MARCHF1: variants seen among roughly 807,000 people sequenced by gnomAD.
MARCHF1 encodes the protein membrane associated ring-CH-type finger 1, also known as E3 ubiquitin-protein ligase MARCHF1.
Under a neutral mutation model 54.2 loss-of-function variants are expected in MARCHF1, and 40 were observed. The ratio of observed to expected loss-of-function variants is 0.74; its 90% confidence interval spans 0.57 to 0.96. The LOEUF is 0.96. MARCHF1 is among the 40% of genes least tolerant of loss of function. MARCHF1 has a pLI of 0.00. For missense variants in MARCHF1, 586 were observed against 656.5 expected (o/e 0.89, Z 1.17); for synonymous variants, 236 against 236.3 (o/e 1.00, Z 0.01).
intron 7 of MARCHF1, among the ~76,000 whole-genome samples, chr4:163,588,392 G>A (rs1276878459): frequency 2.0e-5 from 3 of 152,180 alleles, no homozygotes; most frequent in Non-Finnish European, 4.4e-5. Flanking sequence ...TAGATGCTCA[G>A]TAGATGTAAA....
intron 2 of MARCHF1, among the ~76,000 whole-genome samples, chr4:164,014,391 C>T (rs2110950789): frequency 6.6e-6 from 1 of 151,826 alleles, no homozygotes; most frequent in East Asian, 1.9e-4. Context: ...AAAACAAAAA[C>T]TTATAATAGA....
chr4:163,671,120 G>A (rs971777390), intron 5 of MARCHF1, among the ~76,000 whole-genome samples: 1 of 152,166 alleles, frequency 6.6e-6, no homozygotes, highest in African/African-American at 2.4e-5. Flanking sequence ...TGGATGCAGA[G>A]GGTATCTTCT....
At chr4:164,242,483 A>C (rs1183300733) in intron 1 of MARCHF1, among the ~76,000 whole-genome samples, 1 of 148,732 alleles carries the variant, frequency 6.7e-6, no homozygotes, top group Non-Finnish European at 1.5e-5. Context: ...TCTGTACATC[A>C]CCATCATCAA....
At chr4:163,774,914 G>A (rs1432766540) in intron 4 of MARCHF1, among the ~76,000 whole-genome samples, 1 of 152,124 alleles carries the variant, frequency 6.6e-6, no homozygotes. Flanking sequence ...ACTTCAGCAG[G>A]ATCCAGTAGG....
chr4:163,946,915 C>T (rs1052510543), intron 3 of MARCHF1, among the ~76,000 whole-genome samples: 13 of 152,234 alleles, frequency 8.5e-5, no homozygotes, highest in African/African-American at 2.9e-4. Context: ...CATTAGAATA[C>T]CCTATCAAAT....
intron 1 of MARCHF1, among the ~76,000 whole-genome samples, chr4:164,180,032 T>C (rs1730792367): frequency 6.6e-6 from 1 of 150,990 alleles, no homozygotes; most frequent in Non-Finnish European, 1.5e-5. Context: ...AGCAGTGACT[T>C]ATCTTTGTAC....
At chr4:164,070,086 T>C (rs1211285118) in intron 2 of MARCHF1, among the ~76,000 whole-genome samples, 1 of 152,100 alleles carries the variant, frequency 6.6e-6, no homozygotes, top group Non-Finnish European at 1.5e-5. Context: ...GACATTAACA[T>C]GGGAACAACA....
chr4:164,154,761 C>T (rs1369607955), intron 1 of MARCHF1, among the ~76,000 whole-genome samples: 2 of 152,232 alleles, frequency 1.3e-5, no homozygotes, highest in African/African-American at 4.8e-5. Context: ...GGTTAACCAG[C>T]TCAGTGGACC....
intron 4 of MARCHF1, among the ~76,000 whole-genome samples, chr4:163,733,249 A>C: frequency 2.7e-5 from 2 of 73,172 alleles, no homozygotes; most frequent in African/African-American, 4.5e-5. Context: ...ATACACGTGT[A>C]TATATATATA....
intron 5 of MARCHF1, among the ~76,000 whole-genome samples, chr4:163,616,830 A>T (rs1406302068): frequency 6.7e-6 from 1 of 150,042 alleles, no homozygotes; most frequent in Non-Finnish European, 1.5e-5. Context: ...TAGTACAGAC[A>T]TTATGGAAAA....
intron 1 of MARCHF1, among the ~76,000 whole-genome samples, chr4:164,240,034 ATT>A (rs1560968467): frequency 1.3e-5 from 2 of 152,182 alleles, no homozygotes; most frequent in African/African-American, 4.8e-5. Flanking sequence ...GTCATTACAC[ATT>A]TTCTAGGTGC....
chr4:164,124,074 G>A (rs1434796292), intron 1 of MARCHF1, among the ~76,000 whole-genome samples: 2 of 151,492 alleles, frequency 1.3e-5, no homozygotes, highest in East Asian at 3.9e-4. Flanking sequence ...GTAATAATCT[G>A]ATCAAAAATG....
chr4:164,094,248 G>T (rs151312755), intron 2 of MARCHF1, among the ~76,000 whole-genome samples: 64 of 152,212 alleles, frequency 4.2e-4, no homozygotes, highest in African/African-American at 1.4e-3. Context: ...GTTACTAAAG[G>T]TATGCATACT....
intron 2 of MARCHF1, among the ~76,000 whole-genome samples, chr4:164,067,650 C>G (rs1000709558): frequency 3.3e-5 from 5 of 152,112 alleles, no homozygotes; most frequent in African/African-American, 7.2e-5. Context: ...TAGGAAATAC[C>G]CTTTTTTACA....
chr4:164,080,119 G>A (rs980201144), intron 2 of MARCHF1, among the ~76,000 whole-genome samples: 1 of 152,114 alleles, frequency 6.6e-6, no homozygotes, highest in South Asian at 2.1e-4. Context: ...TAAGCGCTCT[G>A]GCTATCTGGC....
At chr4:164,256,103 C>G (rs1733272097) in intron 1 of MARCHF1, among the ~76,000 whole-genome samples, 1 of 151,206 alleles carries the variant, frequency 6.6e-6, no homozygotes, top group Non-Finnish European at 1.5e-5. Context: ...CCAGCCTGGT[C>G]AACATAGTGG....
intron 2 of MARCHF1, among the ~76,000 whole-genome samples, chr4:164,033,845 C>G (rs1413945511): frequency 6.6e-6 from 1 of 152,134 alleles, no homozygotes; most frequent in Non-Finnish European, 1.5e-5. Flanking sequence ...GTTAGTTCAA[C>G]CATTGTGGAA....
At chr4:163,720,952 T>C (rs1745433419) in intron 4 of MARCHF1, among the ~76,000 whole-genome samples, 1 of 152,202 alleles carries the variant, frequency 6.6e-6, no homozygotes, top group Non-Finnish European at 1.5e-5. Context: ...GTTTTCCAAA[T>C]ATACAATCAT....
intron 5 of MARCHF1, among the ~76,000 whole-genome samples, chr4:163,699,337 T>G (rs76470797): frequency 0.012 from 1,877 of 152,328 alleles, 50 homozygotes; most frequent in African/African-American, 0.042. Flanking sequence ...TATGGAGGAA[T>G]GGCAGGCATG....
Sources: gnomAD v4.1 joint callset for allele counts (sites outside exome capture counted in the v4.1 genomes callset) on GRCh38, gnomAD v4.1.1 for gene constraint, MANE v1.5 for transcripts, NCBI Gene and HGNC (gene_info 2026-07-23, HGNC 2026-07-21) for gene names.